PDE4D: variants seen among roughly 807,000 people sequenced by gnomAD.
PDE4D encodes the protein phosphodiesterase 4D.
PDE4D carries 24 observed loss-of-function variants against 87.4 expected under a neutral mutation model. The observed-to-expected ratio is 0.27, with a 90% confidence interval of 0.20 to 0.39. The LOEUF is 0.39. PDE4D is among the 10% of genes least tolerant of loss of function. The pLI is 1.00. For synonymous variants in PDE4D, 384 were observed against 383.2 expected, an observed-to-expected ratio of 1.00 and a Z score of -0.02; for missense variants, 714 against 1,041.0, an observed-to-expected ratio of 0.69 and a Z score of 4.32.
chr5:60,468,770 C>T (rs16878122), intron 1 of PDE4D, among the ~76,000 whole-genome samples: 1 of 152,190 alleles, frequency 6.6e-6, no homozygotes, highest in African/African-American at 2.4e-5. Context: ...AAGCAATCCT[C>T]CTACTTCAGC....
At chr5:60,145,923 T>A (rs547950923) in intron 2 of PDE4D, among the ~76,000 whole-genome samples, 9 of 152,170 alleles carry the variant, frequency 5.9e-5, no homozygotes, top group Non-Finnish European at 1.0e-4. Flanking sequence ...GGTTATAAAT[T>A]ACTGAGGAGT....
chr5:59,939,660 A>G (rs1756974125), intron 3 of PDE4D, among the ~76,000 whole-genome samples: 1 of 152,124 alleles, frequency 6.6e-6, no homozygotes, highest in Admixed American at 6.6e-5. Flanking sequence ...AGGGGTGAGG[A>G]GAAGAGTATT....
At chr5:59,955,508 G>T (rs1282346794) in intron 3 of PDE4D, among the ~76,000 whole-genome samples, 3 of 152,136 alleles carry the variant, frequency 2.0e-5, no homozygotes, top group Admixed American at 6.5e-5. Flanking sequence ...ACACAAATTG[G>T]CCTGAATCTA....
chr5:59,247,920 C>A (rs1416004689), intron 1 of PDE4D, among the ~76,000 whole-genome samples: 1 of 151,412 alleles, frequency 6.6e-6, no homozygotes, highest in African/African-American at 2.4e-5. Flanking sequence ...GGCCTTCCAA[C>A]ATAGGCTTAA....
intron 3 of PDE4D, among the ~76,000 whole-genome samples, chr5:59,912,575 TA>T (rs1419288253): frequency 1.3e-5 from 2 of 152,244 alleles, no homozygotes; most frequent in African/African-American, 4.8e-5. Flanking sequence ...TGTGTTTTTT[TA>T]AATGGCCCAT....
intron 11 of PDE4D, 70 bp downstream of exon 11, chr5:58,988,423 T>C: frequency 3.7e-6 from 2 of 542,414 alleles, no homozygotes; most frequent in Non-Finnish European, 6.2e-6. Flanking sequence ...ACTCTGAGTT[T>C]ATAAAGACCC....
At chr5:59,415,913 T>G (rs1793527998) in intron 1 of PDE4D, among the ~76,000 whole-genome samples, 1 of 152,182 alleles carries the variant, frequency 6.6e-6, no homozygotes, top group African/African-American at 2.4e-5. Flanking sequence ...TACTCCAGCG[T>G]TGGTCTATAT....
intron 1 of PDE4D, among the ~76,000 whole-genome samples, chr5:60,279,737 T>G (rs1583291630): frequency 6.7e-6 from 1 of 148,208 alleles, no homozygotes; most frequent in Non-Finnish European, 1.5e-5. Context: ...TGGGCTGGAG[T>G]GTAATGGCAT....
intron 1 of PDE4D, among the ~76,000 whole-genome samples, chr5:59,714,387 C>A (rs1377378944): frequency 6.6e-6 from 1 of 152,156 alleles, no homozygotes; most frequent in African/African-American, 2.4e-5. Flanking sequence ...TGAGCTTTTT[C>A]TGTTTGATTA....
intron 1 of PDE4D, among the ~76,000 whole-genome samples, chr5:59,507,847 A>T (rs950110183): frequency 6.6e-6 from 1 of 151,604 alleles, no homozygotes; most frequent in South Asian, 2.1e-4. Flanking sequence ...AGGTACACAA[A>T]TGGGGGCTTC....
chr5:60,346,470 C>A (rs1011792428), intron 1 of PDE4D, among the ~76,000 whole-genome samples: 1 of 152,152 alleles, frequency 6.6e-6, no homozygotes, highest in Non-Finnish European at 1.5e-5. Flanking sequence ...TATTTACTGC[C>A]TCTTACAAAA....
At chr5:59,268,497 C>T (rs1763237457) in intron 1 of PDE4D, among the ~76,000 whole-genome samples, 1 of 152,002 alleles carries the variant, frequency 6.6e-6, no homozygotes, top group Non-Finnish European at 1.5e-5. Context: ...GTACCCCAGC[C>T]CTTCCCATAG....
intron 11 of PDE4D, among the ~76,000 whole-genome samples, chr5:58,983,610 T>C (rs1482551052): frequency 6.6e-6 from 1 of 152,006 alleles, no homozygotes; most frequent in Non-Finnish European, 1.5e-5. Context: ...AGGGTCTTGC[T>C]CCAGAGTCTG....
At chr5:59,749,075 G>T (rs558697305) in intron 1 of PDE4D, among the ~76,000 whole-genome samples, 1 of 152,146 alleles carries the variant, frequency 6.6e-6, no homozygotes, top group Non-Finnish European at 1.5e-5. Context: ...ATGCTTGTTG[G>T]TTTAAGCATT....
chr5:60,115,271 A>G (rs951528485), intron 2 of PDE4D, among the ~76,000 whole-genome samples: 2 of 152,056 alleles, frequency 1.3e-5, no homozygotes, highest in Non-Finnish European at 2.9e-5. Context: ...GCAGTGCTGG[A>G]ATGGTTATGA....
intron 5 of PDE4D, among the ~76,000 whole-genome samples, chr5:59,144,934 G>T (rs1778409428): frequency 7.3e-6 from 1 of 136,794 alleles, no homozygotes; most frequent in Non-Finnish European, 1.6e-5. Context: ...TGTTGTTATT[G>T]TTTTATAAAT....
chr5:59,440,604 C>G (rs887214693), intron 1 of PDE4D, among the ~76,000 whole-genome samples: 8 of 152,090 alleles, frequency 5.3e-5, no homozygotes, highest in African/African-American at 1.9e-4. Flanking sequence ...TGGGGAAACC[C>G]CATCTCTACT....
At chr5:60,193,367 A>G (rs1785346722) in intron 1 of PDE4D, among the ~76,000 whole-genome samples, 1 of 152,180 alleles carries the variant, frequency 6.6e-6, no homozygotes, top group South Asian at 2.1e-4. Context: ...TAAATGCAAT[A>G]TGGGTGGAAA....
chr5:60,419,125 C>T (rs138570028), intron 1 of PDE4D, among the ~76,000 whole-genome samples: 1 of 152,188 alleles, frequency 6.6e-6, no homozygotes, highest in Non-Finnish European at 1.5e-5. Flanking sequence ...TTTCAGGTAG[C>T]AATTGCACTT....
Sources: gnomAD v4.1 joint callset for allele counts (sites outside exome capture counted in the v4.1 genomes callset) on GRCh38, gnomAD v4.1.1 for gene constraint, MANE v1.5 for transcripts, NCBI Gene and HGNC (gene_info 2026-07-23, HGNC 2026-07-21) for gene names.